The following AIG1 variants were observed in gnomAD, a reference collection of about 807,000 sequenced individuals.
AIG1 encodes the protein androgen induced 1.
A neutral mutation model predicts 31.4 loss-of-function variants in AIG1; 23 were observed. The ratio of observed to expected loss-of-function variants is 0.73; its 90% confidence interval spans 0.53 to 1.04. AIG1 has a LOEUF of 1.04. AIG1 is among the 50% of genes least tolerant of loss of function. The pLI, the probability that AIG1 is intolerant of heterozygous loss-of-function variation, is 0.00. For missense variants in AIG1, 274 were observed against 295.0 expected (o/e 0.93, Z 0.52); for synonymous variants, 100 against 110.5 (o/e 0.90, Z 0.60).
chr6:143,236,220 G>C (rs1345139091), intron 3 of AIG1, among the ~76,000 whole-genome samples: 1 of 152,190 alleles, frequency 6.6e-6, no homozygotes, highest in African/African-American at 2.4e-5. Context: ...CATACGGCTG[G>C]TGTCCCTCCT....
At chr6:143,147,756 T>C (rs1281509279) in intron 2 of AIG1, among the ~76,000 whole-genome samples, 2 of 152,178 alleles carry the variant, frequency 1.3e-5, no homozygotes, top group Non-Finnish European at 2.9e-5. Context: ...AGTTCCTGCC[T>C]GTGAATGAGC....
intron 1 of AIG1, among the ~76,000 whole-genome samples, chr6:143,080,033 C>A (rs376742846): frequency 1.3e-5 from 2 of 151,676 alleles, no homozygotes; most frequent in East Asian, 3.9e-4. Flanking sequence ...AGCTGAGTTA[C>A]AAGCCCTGTG....
intron 4 of AIG1, among the ~76,000 whole-genome samples, chr6:143,317,753 T>G (rs557383231): frequency 1.3e-5 from 2 of 152,176 alleles, no homozygotes; most frequent in South Asian, 2.1e-4. Context: ...CCTTAACGAC[T>G]CCTCCAGAAA....
chr6:143,068,306 T>C (rs1283581836), intron 1 of AIG1, among the ~76,000 whole-genome samples: 1 of 152,264 alleles, frequency 6.6e-6, no homozygotes, highest in Non-Finnish European at 1.5e-5. Flanking sequence ...CAGATGTTCA[T>C]GTGATCCAAG....
chr6:143,076,816 C>T (rs1454518863), intron 1 of AIG1, among the ~76,000 whole-genome samples: 1 of 151,800 alleles, frequency 6.6e-6, no homozygotes, highest in African/African-American at 2.4e-5. Flanking sequence ...AGACTGCAGG[C>T]ACCTACCACC....
At chr6:143,164,405 T>G (rs1403728315) in intron 2 of AIG1, among the ~76,000 whole-genome samples, 1 of 152,216 alleles carries the variant, frequency 6.6e-6, no homozygotes, top group Admixed American at 6.5e-5. Flanking sequence ...TCTCTTTTGA[T>G]GATTATGTTG....
At chr6:143,308,650 C>G (rs1774999974) in intron 4 of AIG1, among the ~76,000 whole-genome samples, 1 of 152,212 alleles carries the variant, frequency 6.6e-6, no homozygotes, top group South Asian at 2.1e-4. Context: ...GAATAATGTA[C>G]TCAGACTTAA....
At chr6:143,201,601 C>T (rs1370566761) in intron 3 of AIG1, among the ~76,000 whole-genome samples, 5 of 152,256 alleles carry the variant, frequency 3.3e-5, no homozygotes, top group East Asian at 3.9e-4. Flanking sequence ...AGGGACCCTA[C>T]GAATAATCTG....
intron 3 of AIG1, among the ~76,000 whole-genome samples, chr6:143,271,289 G>A (rs569447865): frequency 1.3e-5 from 2 of 152,218 alleles, no homozygotes; most frequent in South Asian, 4.2e-4. Flanking sequence ...GAGATGATTC[G>A]TTTCTGAAAT....
chr6:143,231,349 C>A (rs1322579539), intron 3 of AIG1, among the ~76,000 whole-genome samples: 1 of 151,894 alleles, frequency 6.6e-6, no homozygotes, highest in East Asian at 1.9e-4. Flanking sequence ...GAGACTAACA[C>A]CTAAAGAGGT....
downstream of AIG1, chr6:143,343,199 TATGGCAGGAATGATC>T: frequency 2.8e-6 from 2 of 704,892 alleles, no homozygotes; most frequent in Non-Finnish European, 5.4e-6. Flanking sequence ...ACGCCACGGA[TATGGCAGGAATGATC>T]CTGGGACGGA....
chr6:143,060,555 CG>C (rs1776126229), upstream of AIG1: 3 of 342,712 alleles, frequency 8.8e-6, no homozygotes. Flanking sequence ...CCCGAGCCCT[CG>C]TAGCACTCAG....
At chr6:143,313,104 T>C (rs1775442445) in intron 4 of AIG1, among the ~76,000 whole-genome samples, 1 of 152,094 alleles carries the variant, frequency 6.6e-6, no homozygotes, top group Non-Finnish European at 1.5e-5. Flanking sequence ...CCACTGTTGG[T>C]CGGAATGTAA....
intron 4 of AIG1, among the ~76,000 whole-genome samples, chr6:143,308,049 G>C (rs187851644): frequency 1.1e-3 from 175 of 152,326 alleles, no homozygotes; most frequent in African/African-American, 4.1e-3. Context: ...CATTTTTTAA[G>C]CCCATCGGAG....
chr6:143,208,528 C>T (rs1476467938), intron 3 of AIG1, among the ~76,000 whole-genome samples: 1 of 152,090 alleles, frequency 6.6e-6, no homozygotes, highest in East Asian at 1.9e-4. Context: ...GTTAGACTGT[C>T]AAGGCTCAAT....
chr6:143,300,799 T>C (rs543758692), intron 4 of AIG1, among the ~76,000 whole-genome samples: 2 of 152,304 alleles, frequency 1.3e-5, no homozygotes, highest in Admixed American at 1.3e-4. Flanking sequence ...AATTGTATAC[T>C]GTAAGCCTTT....
intron 3 of AIG1, among the ~76,000 whole-genome samples, chr6:143,261,287 A>G (rs1795763574): frequency 6.6e-6 from 1 of 152,088 alleles, no homozygotes; most frequent in African/African-American, 2.4e-5. Context: ...ACACACCACC[A>G]TGCACGGGTT....
intron 2 of AIG1, among the ~76,000 whole-genome samples, chr6:143,156,663 G>A (rs1785793629): frequency 6.6e-6 from 1 of 152,212 alleles, no homozygotes; most frequent in Non-Finnish European, 1.5e-5. Context: ...GAAGGAGGCA[G>A]CCCTTGGGAG....
chr6:143,099,844 G>A (rs1780093221), intron 1 of AIG1, among the ~76,000 whole-genome samples: 1 of 152,178 alleles, frequency 6.6e-6, no homozygotes, highest in African/African-American at 2.4e-5. Context: ...ATATGTAAAT[G>A]TTACTGTCTA....
Sources: gnomAD v4.1 joint callset for allele counts (sites outside exome capture counted in the v4.1 genomes callset) on GRCh38, gnomAD v4.1.1 for gene constraint, MANE v1.5 for transcripts, NCBI Gene and HGNC (gene_info 2026-07-23, HGNC 2026-07-21) for gene names.